APH1B: variants seen among roughly 807,000 people sequenced by gnomAD.
The protein encoded by APH1B is gamma-secretase subunit APH-1B.
In APH1B, 27 loss-of-function variants were observed where a neutral mutation model predicts 28.2. The ratio of observed to expected loss-of-function variants is 0.96; its 90% CI spans 0.70 to 1.32. The LOEUF is 1.32. Ranked by LOEUF, APH1B falls within the 40% of genes most tolerant of loss-of-function variation. APH1B has a pLI of 0.00. For missense variants in APH1B, 305 were observed against 313.6 expected (o/e 0.97, Z 0.21); for synonymous variants, 141 against 124.6 (o/e 1.13, Z -0.88).
At chr15:63,286,317 A>G (rs188076273) in intron 2 of APH1B, among the ~76,000 whole-genome samples, 1 of 152,296 alleles carries the variant, frequency 6.6e-6, no homozygotes, top group African/African-American at 2.4e-5. Context: ...TTGTTTACTT[A>G]TATTTTTCTT....
chr15:63,299,659 C>T (rs534147296), intron 4 of APH1B, among the ~76,000 whole-genome samples: 15 of 152,212 alleles, frequency 9.9e-5, no homozygotes, highest in African/African-American at 3.6e-4. Flanking sequence ...CTGCCTCGGC[C>T]TCCCAAAGTG....
In APH1B at chr15:63,295,949, GGA is replaced by G. The variant is rs764018052; in HGVS notation, c.479-6392_479-6391del. The stretch of plus-strand genomic sequence containing the variant: ...ACTCCACAGTGATGAGCTAATTTGA[GGA>G]GAGTGTTTCATAATTCTTCAGCATT... On this transcript the variant is annotated intron_variant, in intron 4 of 5. Coordinates refer to ENST00000261879, the MANE Select transcript of APH1B (RefSeq NM_031301.4). Among the ~76,000 whole-genome samples the G allele has an allele frequency of 3.8e-4, 58 of 152,292 alleles. 1 individual carries two copies. Among genetic ancestry groups the G allele is most frequent in the Admixed American group, 9.2e-4 (14 of 15,292 alleles).
intron 4 of APH1B, among the ~76,000 whole-genome samples, chr15:63,296,242 C>A (rs760924994): frequency 2.6e-5 from 4 of 152,198 alleles, no homozygotes; most frequent in Non-Finnish European, 4.4e-5. Flanking sequence ...GGAGTGTCTC[C>A]TGCTTCATGG....
chr15:63,289,777 A>T (rs2038485359), intron 4 of APH1B, among the ~76,000 whole-genome samples: 1 of 152,214 alleles, frequency 6.6e-6, no homozygotes, highest in African/African-American at 2.4e-5. Context: ...CCAAGGCAGG[A>T]GAATCACTTG....
At chr15:63,288,080 G>C (rs2038466218) in intron 4 of APH1B, among the ~76,000 whole-genome samples, 1 of 152,148 alleles carries the variant, frequency 6.6e-6, no homozygotes. Flanking sequence ...TTTGAGAGTT[G>C]GTAGCGTACA....
intron 2 of APH1B, among the ~76,000 whole-genome samples, chr15:63,284,911 A>G (rs2038429971): frequency 6.6e-6 from 1 of 152,156 alleles, no homozygotes; most frequent in African/African-American, 2.4e-5. Flanking sequence ...ACATTTTTTG[A>G]TTCTACTATA....
chr15:63,289,234 TATAAC>T (rs2152595851), intron 4 of APH1B, among the ~76,000 whole-genome samples: 1 of 152,350 alleles, frequency 6.6e-6, no homozygotes, highest in South Asian at 2.1e-4. Context: ...TTCTTACTGT[TATAAC>T]ATCATTCTTT....
intron 4 of APH1B, among the ~76,000 whole-genome samples, chr15:63,300,744 T>C (rs1353798937): frequency 6.6e-6 from 1 of 152,262 alleles, no homozygotes; most frequent in African/African-American, 2.4e-5. Context: ...ATATAACAGC[T>C]TTCTTTCATC....
At chr15:63,280,622 A>G (rs1595758203) in intron 2 of APH1B, among the ~76,000 whole-genome samples, 1 of 152,258 alleles carries the variant, frequency 6.6e-6, no homozygotes, top group African/African-American at 2.4e-5. Flanking sequence ...CCAGGAAGCC[A>G]TTGCTTAGAA....
chr15:63,297,267 G>A (rs1426582581), intron 4 of APH1B, among the ~76,000 whole-genome samples: 1 of 152,210 alleles, frequency 6.6e-6, no homozygotes, highest in African/African-American at 2.4e-5. Flanking sequence ...GCTCAAGCCT[G>A]TGATTCCAGC....
At chr15:63,300,662 GAA>G (rs1383576913) in intron 4 of APH1B, among the ~76,000 whole-genome samples, 1 of 152,130 alleles carries the variant, frequency 6.6e-6, no homozygotes. Context: ...CAAAACTTTG[GAA>G]ACTGTTTCTC....
intron 2 of APH1B, among the ~76,000 whole-genome samples, chr15:63,281,534 GA>G (rs58991721): frequency 0.37 from 43,224 of 115,438 alleles, 6,807 homozygotes; most frequent in Admixed American, 0.48. Flanking sequence ...GTCTAATTTT[GA>G]AAAAAAAAAA....
At chr15:63,302,893 A>G (rs1250020046) in intron 5 of APH1B, among the ~76,000 whole-genome samples, 2 of 152,162 alleles carry the variant, frequency 1.3e-5, no homozygotes, top group African/African-American at 4.8e-5. Context: ...GTTTCTAATT[A>G]GAGTATGATA....
chr15:63,301,541 A>G (rs1296801153), intron 4 of APH1B, among the ~76,000 whole-genome samples: 2 of 152,224 alleles, frequency 1.3e-5, no homozygotes, highest in Admixed American at 6.5e-5. Context: ...CCAGTTGCCT[A>G]AGAAGCATTG....
chr15:63,303,932 G>A (rs970996758), intron 5 of APH1B, among the ~76,000 whole-genome samples: 1 of 151,166 alleles, frequency 6.6e-6, no homozygotes, highest in Admixed American at 6.6e-5. Flanking sequence ...ACGCCTAGGA[G>A]TGGGACTGCT....
In APH1B at chr15:63,307,134, G is replaced by C. The variant is rs1250075910; in HGVS notation, c.*1353G>C. The C allele has an allele frequency of 6.6e-6, 1 of 152,226 alleles. No homozygotes were observed. The highest frequency in any genetic ancestry group is 1.5e-5 in the Non-Finnish European group (1 of 68,036). The allele number at this position is 152,226 out of a possible 1,614,324, so 9.4% of individuals were successfully genotyped here. A position where few individuals can be genotyped will look rare whatever the true frequency, so the allele number is the denominator to read the frequency against. On this transcript the variant is annotated 3_prime_UTR_variant, in exon 6 of 6. Coordinates refer to ENST00000261879, the MANE Select transcript of APH1B (RefSeq NM_031301.4). ...CTCAGTGAATACCATACATGCAGTA[G>C]AACATTCAGAAGAGAGGAGCAGCAA...
chr15:63,291,640 TAAAAG>T (rs2038507807), intron 4 of APH1B: 2 of 152,084 alleles, frequency 1.3e-5, no homozygotes, highest in African/African-American at 2.4e-5. Context: ...TTGAAGAAAA[TAAAAG>T]AGGAATGTGG....
Position 63,308,826 on chromosome 15 carries a change from T to A in APH1B, c.*3045T>A, listed in dbSNP as rs2038713497. 1 of 152,226 alleles carries A rather than the reference T, an allele frequency of 6.6e-6. No homozygotes were observed. Among genetic ancestry groups the A allele is most frequent in the South Asian group, 2.1e-4 (1 of 4,834 alleles). The allele number at this position is 152,226 out of a possible 1,614,324, so 9.4% of individuals were successfully genotyped here. ...GTTTTTTTCTGGGCTCCACCATTCC[T>A]AACTCCAGGTAGACAAGATAGATGT... On this transcript the variant is annotated 3_prime_UTR_variant, in exon 6 of 6. Transcript: ENST00000261879.
intron 4 of APH1B, among the ~76,000 whole-genome samples, chr15:63,289,568 A>G (rs1425923072): frequency 2.0e-5 from 3 of 152,242 alleles, no homozygotes; most frequent in Admixed American, 6.5e-5. Context: ...TGACGCCACA[A>G]GTAGGAAATT....
Sources: gnomAD v4.1 joint callset for allele counts (sites outside exome capture counted in the v4.1 genomes callset) on GRCh38, gnomAD v4.1.1 for gene constraint, MANE v1.5 for transcripts, NCBI Gene and HGNC (gene_info 2026-07-23, HGNC 2026-07-21) for gene names.